Variants in HTR4 observed in about 807,000 individuals in gnomAD.
HTR4 encodes the protein 5-hydroxytryptamine (serotonin) receptor 4, G protein-coupled.
In HTR4, 16 loss-of-function variants were observed where a neutral mutation model predicts 36.8. The ratio of observed to expected loss-of-function variants is 0.43; its 90% confidence interval spans 0.29 to 0.66. The LOEUF (loss-of-function observed/expected upper bound fraction) is 0.66. Among genes scored for constraint, HTR4 ranks in the 30% least tolerant of loss-of-function variants. The probability of loss-of-function intolerance (pLI) is 0.13; values close to 1 mark genes in which losing one functional copy is unlikely to be tolerated. For synonymous variants in HTR4, 189 were observed against 185.1 expected (o/e 1.02, Z -0.17); for missense variants, 438 against 490.9 (o/e 0.89, Z 1.02).
At chr5:148,552,040 CT>C (rs1759721142) in intron 2 of HTR4, among the ~76,000 whole-genome samples, 1 of 152,234 alleles carries the variant, frequency 6.6e-6, no homozygotes, top group Admixed American at 6.5e-5. Context: ...TTCCTGAGCT[CT>C]TTTGACTGAA....
chr5:148,516,736 C>T (rs1757778434), intron 5 of HTR4, among the ~76,000 whole-genome samples: 1 of 151,446 alleles, frequency 6.6e-6, no homozygotes, highest in African/African-American at 2.4e-5. Context: ...TTTAGTCTTG[C>T]TTCCTACAGG....
At position 148,535,248 on chromosome 5, in the gene HTR4, C is replaced by T. The variant is rs145744588; in HGVS notation, c.354-11902G>A. ...GTCTATTGACTGTATTCAATCTACA[C>T]TGCAGTTAAAGGAATACCCACATAC... On this transcript the variant is annotated intron_variant, in intron 4 of 6. Transcript: ENST00000377888. 8.1e-4 allele frequency among the ~76,000 whole-genome samples: 124 copies of T among 152,300 alleles called. 1 individual carries two copies. Among genetic ancestry groups the T allele is most frequent in the African/African-American group, 2.8e-3 (117 of 41,566 alleles).
chr5:148,548,937 A>C, intron 3 of HTR4, 69 bp from the exon 4 acceptor site: 1 of 1,088,146 alleles, frequency 9.2e-7, no homozygotes, highest in East Asian at 2.5e-5. Flanking sequence ...GGGAGAAGAG[A>C]TCAAGAGAAA....
chr5:148,572,781 C>T (rs1198204946), intron 2 of HTR4, among the ~76,000 whole-genome samples: 1 of 152,096 alleles, frequency 6.6e-6, no homozygotes, highest in Non-Finnish European at 1.5e-5. Flanking sequence ...TCAGGATATT[C>T]AACCTATTGA....
intron 5 of HTR4, among the ~76,000 whole-genome samples, chr5:148,510,553 C>T (rs554111319): frequency 6.6e-6 from 1 of 152,228 alleles, no homozygotes; most frequent in South Asian, 2.1e-4. Context: ...CCACTCCCTG[C>T]TGCCACCCCT....
At chr5:148,481,436 T>G (rs567331648), downstream of HTR4, 2 of 825,944 alleles carry the variant, frequency 2.4e-6, no homozygotes, top group African/African-American at 1.7e-5. Flanking sequence ...GAGATATTTC[T>G]CACGAATTCT....
intron 4 of HTR4, among the ~76,000 whole-genome samples, chr5:148,528,945 G>A (rs898318235): frequency 2.0e-5 from 3 of 146,964 alleles, no homozygotes; most frequent in South Asian, 2.5e-4. Context: ...CAAAATAATC[G>A]TGGTTTTTGC....
intron 2 of HTR4, among the ~76,000 whole-genome samples, chr5:148,565,871 G>A (rs1465141863): frequency 6.6e-6 from 1 of 152,134 alleles, no homozygotes; most frequent in East Asian, 1.9e-4. Flanking sequence ...TCATGTAAAG[G>A]AGGCTCATTT....
chr5:148,637,088 T>A (rs761401057), intron 1 of HTR4, 27 bp from the exon 2 acceptor site: 3 of 1,475,786 alleles, frequency 2.0e-6, no homozygotes, highest in Non-Finnish European at 2.8e-6. Context: ...AAAAAGATGT[T>A]ATAAAAGAAA....
At position 148,541,156 on chromosome 5, in the gene HTR4, T is replaced by C. The variant is rs898875611; in HGVS notation, c.353+7512A>G. ...TAAGACAAAGTCCAGAAAACCTTTG[T>C]CACTTCTCCAAGATCACACACTTGA... is the stretch of plus-strand genomic sequence containing the variant. On this transcript the variant is annotated intron_variant, in intron 4 of 6. Transcript: ENST00000377888. 2.0e-5 allele frequency among the ~76,000 whole-genome samples: 3 copies of C among 152,274 alleles called. No homozygotes were observed. The East Asian group carries it at 5.8e-4, about 29-fold the overall frequency.
In HTR4 at chr5:148,523,073, A is replaced by T. The variant is rs1382172933; in HGVS notation, c.507+120T>A. On this transcript the variant is annotated intron_variant, in intron 5 of 6. Transcript: ENST00000377888. Reference sequence around the variant, plus strand: ...AAAAGTGTTAGCTTTAAAAAAAAAAATTATCACCCAGACCACTATCAGATT... The same window carrying T: ...AAAAGTGTTAGCTTTAAAAAAAAAATTTATCACCCAGACCACTATCAGATT... The T allele has an allele frequency of 4.0e-6, 4 of 992,366 alleles. No individual in the cohort carries two copies. The Admixed American group carries it at 9.1e-5, about 23-fold the overall frequency. The allele number at this position is 992,366 out of a possible 1,614,324, so 61.5% of individuals were successfully genotyped here. A position where few individuals can be genotyped will look rare whatever the true frequency, so the allele number is the denominator to read the frequency against.
intron 2 of HTR4, among the ~76,000 whole-genome samples, chr5:148,631,511 A>T (rs1165136102): frequency 6.6e-6 from 1 of 152,152 alleles, no homozygotes; most frequent in Non-Finnish European, 1.5e-5. Context: ...AACAACTAAC[A>T]CACATTGATT....
At chr5:148,493,666 G>A (rs368004837) in intron 6 of HTR4, among the ~76,000 whole-genome samples, 18 of 152,004 alleles carry the variant, frequency 1.2e-4, no homozygotes, top group East Asian at 7.7e-4. Flanking sequence ...AGACAAGTTG[G>A]GAGGGAGTGA....
At chr5:148,480,449 G>A (rs542503981), downstream of HTR4, among the ~76,000 whole-genome samples, 1 of 152,302 alleles carries the variant, frequency 6.6e-6, no homozygotes, top group South Asian at 2.1e-4. Flanking sequence ...TGCAATCTCA[G>A]CTTAATGCAG....
intron 6 of HTR4, among the ~76,000 whole-genome samples, chr5:148,490,406 C>A (rs544299745): frequency 8.5e-5 from 13 of 152,124 alleles, no homozygotes; most frequent in African/African-American, 3.1e-4. Flanking sequence ...TTGACAGTAT[C>A]ATTTCTGACA....
rs1251412943 is a variant in HTR4 at position 148,515,586 on chromosome 5, A to G, written c.508-5562T>C. 2.0e-5 allele frequency among the ~76,000 whole-genome samples: 3 copies of G among 152,138 alleles called. No homozygotes were observed. The East Asian group carries it at 5.8e-4, about 29-fold the overall frequency. On this transcript the variant is annotated intron_variant, in intron 5 of 6. Transcript: ENST00000377888. ...AATATCATCTTAATGTTTAAAGCAT[A>G]TTTTCATTGGGTATAGAATTCTAAG...
intron 2 of HTR4, among the ~76,000 whole-genome samples, chr5:148,600,976 C>CAAAAAAAAAAAAAAAAAAAAAAA (rs58003522): frequency 3.0e-4 from 4 of 13,546 alleles, no homozygotes; most frequent in African/African-American, 3.9e-4. Context: ...AACTCAATAG[C>CAAAAAAAAAAAAAAAAAAAAAAA]AAAAAAAAAA....
chr5:148,599,715 T>G (rs1381349457), intron 2 of HTR4, among the ~76,000 whole-genome samples: 1 of 152,046 alleles, frequency 6.6e-6, no homozygotes, highest in Non-Finnish European at 1.5e-5. Context: ...AATATATAAG[T>G]AAATTCAAAT....
chr5:148,494,779 T>C (rs1302296728), intron 6 of HTR4, among the ~76,000 whole-genome samples: 1 of 152,238 alleles, frequency 6.6e-6, no homozygotes, highest in Admixed American at 6.5e-5. Context: ...TCACCACATG[T>C]GGCTAATGAA....
Sources: allele counts gnomAD v4.1 joint callset (sites outside exome capture counted in the v4.1 genomes callset), GRCh38; gene constraint gnomAD v4.1.1; transcripts MANE v1.5; gene names NCBI Gene and HGNC (gene_info 2026-07-23, HGNC 2026-07-21).